The following OPCML variants were observed in gnomAD, a reference collection of about 807,000 sequenced individuals.
OPCML encodes opioid-binding protein/cell adhesion molecule.
A neutral mutation model predicts 37.8 loss-of-function variants in OPCML; 13 were observed. The ratio of observed to expected loss-of-function variants is 0.34; its 90% CI spans 0.22 to 0.55. The LOEUF (loss-of-function observed/expected upper bound fraction) is 0.55. OPCML is among the 20% of genes least tolerant of loss of function. The pLI is 0.91. For missense variants in OPCML, 341 were observed against 435.6 expected (o/e 0.78, Z 1.93); for synonymous variants, 176 against 168.8 (o/e 1.04, Z -0.33).
chr11:133,170,511 G>T (rs927925759), intron 1 of OPCML, among the ~76,000 whole-genome samples: 4 of 149,292 alleles, frequency 2.7e-5, no homozygotes, highest in African/African-American at 9.7e-5. Context: ...AAAGGATATA[G>T]CAAGGCTTGA....
At chr11:133,249,041 T>G (rs554665801) in intron 1 of OPCML, among the ~76,000 whole-genome samples, 37 of 152,330 alleles carry the variant, frequency 2.4e-4, no homozygotes, top group African/African-American at 8.4e-4. Context: ...TCATTTCAGT[T>G]TCTTTTGCTG....
intron 1 of OPCML, chr11:133,006,397 C>G (rs1232356228): frequency 2.1e-6 from 2 of 971,256 alleles, no homozygotes; most frequent in African/African-American, 3.5e-5. Context: ...GACAAAGAAC[C>G]CCATCTTTAG....
At chr11:132,537,068 T>C (rs989165611) in intron 3 of OPCML, among the ~76,000 whole-genome samples, 1 of 152,170 alleles carries the variant, frequency 6.6e-6, no homozygotes, top group Non-Finnish European at 1.5e-5. Context: ...TTGGGTCTTA[T>C]CAGTGAGCTC....
intron 1 of OPCML, among the ~76,000 whole-genome samples, chr11:133,084,980 A>G (rs1948797174): frequency 1.3e-5 from 2 of 152,298 alleles, no homozygotes; most frequent in African/African-American, 2.4e-5. Context: ...AGATTAAACC[A>G]TGTATTATGT....
intron 4 of OPCML, among the ~76,000 whole-genome samples, chr11:132,472,425 C>G (rs745821957): frequency 1.3e-5 from 2 of 152,154 alleles, no homozygotes; most frequent in Admixed American, 1.3e-4. Context: ...TAAAAGCCTA[C>G]GGAAGGCTCA....
At chr11:133,328,959 C>A (rs1222964522) in intron 1 of OPCML, among the ~76,000 whole-genome samples, 6 of 152,124 alleles carry the variant, frequency 3.9e-5, no homozygotes, top group African/African-American at 1.4e-4. Context: ...AAAATCGCCT[C>A]AAGCTGATAA....
At chr11:132,449,680 G>C (rs1220992187) in intron 4 of OPCML, among the ~76,000 whole-genome samples, 3 of 152,106 alleles carry the variant, frequency 2.0e-5, no homozygotes, top group African/African-American at 4.8e-5. Flanking sequence ...AGCACCAACA[G>C]GTTCAGAGGT....
At chr11:133,440,524 C>T (rs1469668661) in intron 1 of OPCML, among the ~76,000 whole-genome samples, 1 of 151,056 alleles carries the variant, frequency 6.6e-6, no homozygotes, top group Non-Finnish European at 1.5e-5. Context: ...GTCAAGAGTT[C>T]AAGACCAGAC....
At chr11:132,926,839 A>G (rs1822508666) in intron 2 of OPCML, among the ~76,000 whole-genome samples, 1 of 152,150 alleles carries the variant, frequency 6.6e-6, no homozygotes, top group African/African-American at 2.4e-5. Flanking sequence ...AGTAATCATG[A>G]AAACAATATA....
rs185091171 is a variant in OPCML at position 133,280,952 on chromosome 11, C to G, written c.61+251312G>C. On this transcript the variant is annotated intron_variant, in intron 1 of 7. Coordinates refer to ENST00000524381, the MANE Select transcript of OPCML (RefSeq NM_001012393.5). ...TTGGTACCTTTCCTCATTGTCCTAACGTTCTTGGGCAATGTTCTCGTCCCT... is the reference window on the plus strand; with the variant it reads ...TTGGTACCTTTCCTCATTGTCCTAAGGTTCTTGGGCAATGTTCTCGTCCCT... 7.8e-4 allele frequency among the ~76,000 whole-genome samples: 118 copies of G among 152,238 alleles called. 1 individual carries two copies. The highest frequency in any genetic ancestry group is 1.9e-3 in the East Asian group (10 of 5,164).
At chr11:132,720,814 T>C (rs1303985366) in intron 2 of OPCML, among the ~76,000 whole-genome samples, 2 of 152,262 alleles carry the variant, frequency 1.3e-5, no homozygotes, top group East Asian at 1.9e-4. Context: ...TAAAATCACA[T>C]AATAATATTA....
In OPCML at chr11:132,447,321, G is replaced by C. The variant is rs2096058009; in HGVS notation, c.506-9962C>G. ...ATGTACTTTGTTTTCTTTTGAGACA[G>C]AGTTTCACGCTCTCTTGCCCAGACA... is the stretch of plus-strand genomic sequence containing the variant. On this transcript the variant is annotated intron_variant, in intron 4 of 7. Coordinates refer to ENST00000524381, the MANE Select transcript of OPCML (RefSeq NM_001012393.5). Among the ~76,000 whole-genome samples the C allele has an allele frequency of 2.6e-5, 4 of 152,242 alleles. No homozygotes were observed. In the South Asian group the frequency reaches 8.3e-4, roughly 32 times the overall value.
At chr11:132,732,444 A>G (rs1371645129) in intron 2 of OPCML, among the ~76,000 whole-genome samples, 1 of 152,154 alleles carries the variant, frequency 6.6e-6, no homozygotes, top group African/African-American at 2.4e-5. Context: ...GTTTATCTTG[A>G]GGGTATTGAG....
chr11:132,726,103 C>G (rs1944870681), intron 2 of OPCML, among the ~76,000 whole-genome samples: 1 of 152,306 alleles, frequency 6.6e-6, no homozygotes, highest in African/African-American at 2.4e-5. Context: ...GCATGTTACC[C>G]AGTTCCAAAG....
chr11:132,805,523 C>A (rs1195807735), intron 2 of OPCML, among the ~76,000 whole-genome samples: 1 of 152,012 alleles, frequency 6.6e-6, no homozygotes, highest in East Asian at 1.9e-4. Flanking sequence ...CTGTTGAAAA[C>A]CAAATAAAAA....
At chr11:133,394,323 A>G (rs1210791020) in intron 1 of OPCML, among the ~76,000 whole-genome samples, 1 of 152,186 alleles carries the variant, frequency 6.6e-6, no homozygotes, top group Admixed American at 6.5e-5. Flanking sequence ...TACATGAGAT[A>G]TTTTGGTACA....
At chr11:132,559,649 GATTAC>G (rs2137494272) in intron 3 of OPCML, among the ~76,000 whole-genome samples, 1 of 152,230 alleles carries the variant, frequency 6.6e-6, no homozygotes, top group East Asian at 1.9e-4. Context: ...CTCCTTCAGA[GATTAC>G]ATTAACACAT....
At chr11:132,857,262 GCC>G in intron 2 of OPCML, among the ~76,000 whole-genome samples, 1 of 152,062 alleles carries the variant, frequency 6.6e-6, no homozygotes, top group African/African-American at 2.4e-5. Context: ...GTGATTAATG[GCC>G]ATTTGTATAT....
intron 1 of OPCML, among the ~76,000 whole-genome samples, chr11:133,140,528 T>TAAGAAGAAGAAGAAGAAGAAGAAGAAG (rs1489312604): frequency 1.5e-3 from 91 of 61,246 alleles, no homozygotes; most frequent in Middle Eastern, 8.5e-3. Context: ...ATAATAATAA[T>TAAGAAGAAGAAGAAGAAGAAGAAGAAG]AATAAGAAGA....
Sources: gnomAD v4.1 joint callset for allele counts (sites outside exome capture counted in the v4.1 genomes callset) on GRCh38, gnomAD v4.1.1 for gene constraint, MANE v1.5 for transcripts, NCBI Gene and HGNC (gene_info 2026-07-23, HGNC 2026-07-21) for gene names.